CNTLN: variants seen among roughly 807,000 people sequenced by gnomAD.
The protein encoded by CNTLN is centlein, centrosomal protein.
In CNTLN, 212 loss-of-function variants were observed where a neutral mutation model predicts 180.0. The observed-to-expected ratio is 1.18, with a 90% CI of 1.05 to 1.32. The LOEUF (loss-of-function observed/expected upper bound fraction) is 1.32, where lower values mean the gene tolerates loss of function less well. Among genes scored for constraint, CNTLN ranks in the 40% most tolerant of loss-of-function variants. The pLI, the probability that CNTLN is intolerant of heterozygous loss-of-function variation, is 0.00. For synonymous variants in CNTLN, 722 were observed against 563.1 expected (o/e 1.28, Z -3.99); for missense variants, 2,095 against 1,610.9 (o/e 1.30, Z -5.14).
At chr9:17,252,600 A>T (rs1587345330) in intron 5 of CNTLN, among the ~76,000 whole-genome samples, 1 of 151,548 alleles carries the variant, frequency 6.6e-6, no homozygotes, top group African/African-American at 2.4e-5. Flanking sequence ...AAAACTGTTG[A>T]GTTCTTTGAG....
intron 6 of CNTLN, among the ~76,000 whole-genome samples, chr9:17,288,358 C>G (rs1197054850): frequency 8.4e-6 from 1 of 118,986 alleles, no homozygotes; most frequent in Non-Finnish European, 1.7e-5. Flanking sequence ...TTTGATTGCA[C>G]TGCGGTCTGA....
Position 17,203,706 on chromosome 9 carries a change from G to A in CNTLN, c.450-22497G>A, listed in dbSNP as rs189707595. On this transcript the variant is annotated intron_variant, in intron 2 of 25. Transcript: ENST00000380647. ...TGAGTAGCCGGGACTACAGGCACCC[G>A]CCACCACGCCCGGCTAATTTTTTGT... Among the ~76,000 whole-genome samples, 203 of 152,104 alleles carry A rather than the reference G, an allele frequency of 1.3e-3. 1 individual carries two copies. In the East Asian group the frequency reaches 0.018, roughly 13 times the overall value.
chr9:17,341,097 CAAATT>C, intron 11 of CNTLN, 149 bp downstream of exon 11: 1 of 637,530 alleles, frequency 1.6e-6, no homozygotes, highest in Non-Finnish European at 2.3e-6. Context: ...GAGAATATAA[CAAATT>C]AAAACAGAGG....
At chr9:17,366,838 C>T (rs1261742083) in intron 13 of CNTLN, 121 bp downstream of exon 13, 5 of 577,658 alleles carry the variant, frequency 8.7e-6, no homozygotes, top group Middle Eastern at 3.1e-4. Context: ...ACACTTTATT[C>T]ATTGATAACT....
At chr9:17,389,594 C>T (rs1825942817) in intron 14 of CNTLN, among the ~76,000 whole-genome samples, 1 of 151,832 alleles carries the variant, frequency 6.6e-6, no homozygotes. Flanking sequence ...TTTATATTTA[C>T]CTAATGTAGT....
chr9:17,479,807 A>G (rs999507398), intron 23 of CNTLN, among the ~76,000 whole-genome samples: 3 of 152,172 alleles, frequency 2.0e-5, no homozygotes, highest in Non-Finnish European at 4.4e-5. Flanking sequence ...TAACTATAAT[A>G]TAAATAATAG....
At chr9:17,482,378 A>G (rs1021483584) in intron 23 of CNTLN, among the ~76,000 whole-genome samples, 2 of 152,126 alleles carry the variant, frequency 1.3e-5, no homozygotes, top group Admixed American at 6.5e-5. Flanking sequence ...GTAAAATAAA[A>G]TAAAATGCCC....
chr9:17,210,307 T>A (rs945828875), intron 2 of CNTLN, among the ~76,000 whole-genome samples: 4 of 152,304 alleles, frequency 2.6e-5, no homozygotes, highest in Middle Eastern at 3.4e-3. Flanking sequence ...AGTGAGAACA[T>A]GCGGTGTTTG....
intron 18 of CNTLN, among the ~76,000 whole-genome samples, chr9:17,429,591 G>A (rs1829293318): frequency 1.3e-5 from 2 of 151,890 alleles, no homozygotes; most frequent in Admixed American, 1.3e-4. Context: ...CACAATTTGA[G>A]AAATACAGAA....
intron 18 of CNTLN, among the ~76,000 whole-genome samples, chr9:17,421,439 A>G (rs1175683764): frequency 6.6e-6 from 1 of 151,070 alleles, no homozygotes; most frequent in Non-Finnish European, 1.5e-5. Context: ...CTATCCCTTT[A>G]TTTTCAGTCC....
At chr9:17,335,545 G>T (rs1413297714) in intron 10 of CNTLN, among the ~76,000 whole-genome samples, 1 of 152,086 alleles carries the variant, frequency 6.6e-6, no homozygotes, top group Non-Finnish European at 1.5e-5. Context: ...AATCAATTCA[G>T]AATTAGAATT....
intron 23 of CNTLN, among the ~76,000 whole-genome samples, chr9:17,481,910 G>T (rs914666539): frequency 1.3e-5 from 2 of 152,200 alleles, no homozygotes; most frequent in African/African-American, 4.8e-5. Flanking sequence ...TTGTCTGCTG[G>T]CCTGTTCAGA....
At chr9:17,428,881 C>T (rs2780201) in intron 18 of CNTLN, among the ~76,000 whole-genome samples, 66,915 of 151,576 alleles carry the variant, frequency 0.44, 16,828 homozygotes, top group Non-Finnish European at 0.56. Flanking sequence ...TGATTAAGAA[C>T]TTTAATCATT....
intron 8 of CNTLN, among the ~76,000 whole-genome samples, chr9:17,324,849 A>AT (rs1177046756): frequency 6.6e-6 from 1 of 152,042 alleles, no homozygotes; most frequent in Non-Finnish European, 1.5e-5. Flanking sequence ...TTATTACTGA[A>AT]TTTTGCTATA....
intron 7 of CNTLN, chr9:17,300,888 A>G (rs1042789852): frequency 6.7e-6 from 5 of 750,034 alleles, no homozygotes; most frequent in Middle Eastern, 6.7e-4. Context: ...AGTGCCTGAA[A>G]GCTTTCCTGC....
intron 2 of CNTLN, among the ~76,000 whole-genome samples, chr9:17,164,410 A>T (rs1323546399): frequency 6.8e-6 from 1 of 146,298 alleles, no homozygotes; most frequent in Non-Finnish European, 1.5e-5. Flanking sequence ...TATGTATAAG[A>T]CCAAGTCCGG....
intron 10 of CNTLN, among the ~76,000 whole-genome samples, chr9:17,339,164 A>G (rs936175805): frequency 6.6e-6 from 1 of 152,196 alleles, no homozygotes; most frequent in Non-Finnish European, 1.5e-5. Context: ...CAAGACTCAA[A>G]TACTTCTTAA....
At chr9:17,499,236 G>C (rs1412004601) in intron 25 of CNTLN, among the ~76,000 whole-genome samples, 1 of 152,128 alleles carries the variant, frequency 6.6e-6, no homozygotes, top group Non-Finnish European at 1.5e-5. Context: ...GGTACTATAA[G>C]ATTTTGAAGA....
At chr9:17,195,966 A>G (rs563492048) in intron 2 of CNTLN, among the ~76,000 whole-genome samples, 47 of 152,298 alleles carry the variant, frequency 3.1e-4, no homozygotes, top group Non-Finnish European at 6.5e-4. Context: ...TTTGAAAATG[A>G]TAGTAAAGAT....
Sources: allele counts gnomAD v4.1 joint callset (sites outside exome capture counted in the v4.1 genomes callset), GRCh38; gene constraint gnomAD v4.1.1; transcripts MANE v1.5; gene names NCBI Gene and HGNC (gene_info 2026-07-23, HGNC 2026-07-21).